MDN1: variants seen among roughly 807,000 people sequenced by gnomAD.
The protein encoded by MDN1 is midasin.
A neutral mutation model predicts 669.2 loss-of-function variants in MDN1; 266 were observed. The ratio of observed to expected loss-of-function variants is 0.40; its 90% CI spans 0.36 to 0.44. MDN1 has a LOEUF of 0.44. Ranked by LOEUF, MDN1 falls within the 20% of genes least tolerant of loss-of-function variation. The pLI, the probability that MDN1 is intolerant of heterozygous loss-of-function variation, is 1.00. For missense variants in MDN1, 5,940 were observed against 6,754.0 expected (o/e 0.88, Z 4.22); for synonymous variants, 2,385 against 2,457.1 (o/e 0.97, Z 0.87).
intron 65 of MDN1, among the ~76,000 whole-genome samples, chr6:89,689,206 C>T (rs1310445671): frequency 2.5e-4 from 38 of 152,138 alleles, no homozygotes; most frequent in Non-Finnish European, 5.9e-5. Flanking sequence ...GCTATTCTCC[C>T]CTAAAGCAAC....
intron 29 of MDN1, among the ~76,000 whole-genome samples, chr6:89,744,817 A>G (rs1816505345): frequency 6.7e-6 from 1 of 150,128 alleles, no homozygotes; most frequent in Admixed American, 6.6e-5. Flanking sequence ...CAGAAAGTCA[A>G]GGCTGCAGTG....
In MDN1 at chr6:89,718,369, C is replaced by T. The variant is rs765610243; in HGVS notation, c.6580G>A (p.Ala2194Thr). The T allele has an allele frequency of 1.9e-6, 3 of 1,613,232 alleles. No individual in the cohort carries two copies. Among genetic ancestry groups the T allele is most frequent in the Admixed American group, 3.3e-5 (2 of 60,020 alleles). ...LNNKINSYCKAEFAKLVEEFR... is the reference protein window; with the variant it reads ...LNNKINSYCKTEFAKLVEEFR... Reference sequence around the variant, plus strand: ...ACAGAGATCCAAATATACATACCTGCCTTGCAGTATGAGTTGATTTTATTG... The same window carrying T: ...ACAGAGATCCAAATATACATACCTGTCTTGCAGTATGAGTTGATTTTATTG... The change falls in exon 43 of 102, where the codon GCA becomes ACA. Residue 2194 changes from alanine (A) to threonine (T), a missense_variant. Transcript: ENST00000369393.
Position 89,756,324 on chromosome 6 carries a change from A to G in MDN1, c.2769T>C (p.Tyr923=), listed in dbSNP as rs746864184. ...KEDLQVLIVD[Y]LKGLSVNKNT... ...TCTTGTTCACACTCAATCCTTTCAGATAATCTACAATAAGAACCTGTAAGT... is the reference window on the plus strand; with the variant it reads ...TCTTGTTCACACTCAATCCTTTCAGGTAATCTACAATAAGAACCTGTAAGT... The change falls in exon 20 of 102, where the codon TAT becomes TAC. Residue 923 remains tyrosine, a synonymous_variant. Coordinates refer to ENST00000369393, the MANE Select transcript of MDN1 (RefSeq NM_014611.3). 5.6e-6 allele frequency: 9 copies of G among 1,603,364 alleles called. No homozygotes were observed. The highest frequency in any genetic ancestry group is 2.6e-6 in the Non-Finnish European group (3 of 1,174,758).
intron 29 of MDN1, among the ~76,000 whole-genome samples, 155 bp downstream of exon 29, chr6:89,745,118 A>C (rs940703819): frequency 2.1e-3 from 168 of 81,746 alleles, no homozygotes; most frequent in Admixed American, 3.9e-3. Flanking sequence ...CCCCCGACCC[A>C]CTCTTAGTCT....
At chr6:89,781,346 G>T in intron 10 of MDN1, 53 bp downstream of exon 10, 1 of 1,557,208 alleles carries the variant, frequency 6.4e-7, no homozygotes, top group South Asian at 1.1e-5. Flanking sequence ...GCAGGAATCT[G>T]TCTCACAAAA....
intron 88 of MDN1, among the ~76,000 whole-genome samples, chr6:89,659,737 T>G (rs1338045903): frequency 6.6e-6 from 1 of 152,226 alleles, no homozygotes; most frequent in Non-Finnish European, 1.5e-5. Context: ...TGTGAATAAC[T>G]GGTGGATGTC....
chr6:89,807,038 TTTC>T (rs1238121296), intron 1 of MDN1, among the ~76,000 whole-genome samples: 1 of 152,204 alleles, frequency 6.6e-6, no homozygotes, highest in African/African-American at 2.4e-5. Context: ...ATTTTGAAGA[TTTC>T]TTAAGACTTT....
At position 89,718,592 on chromosome 6, in the gene MDN1, C is replaced by T; in HGVS notation, c.6357G>A (p.Glu2119=). The change falls in exon 43 of 102, where the codon GAG becomes GAA. Residue 2119 remains glutamate, a synonymous_variant. Transcript: ENST00000369393. Reference sequence around the variant, plus strand: ...GTGCCCTTACAGTTCCCTCCACCTTCTCTAGCAGCCTCCTCCAAGGTCGTA... The same window carrying T: ...GTGCCCTTACAGTTCCCTCCACCTTTTCTAGCAGCCTCCTCCAAGGTCGTA... The part of the protein sequence containing the change: ...DLIRPWRRLL[E]KVEGTVRALL... 6.2e-7 allele frequency: 1 copy of T among 1,614,140 alleles called. No individual in the cohort carries two copies. The highest frequency in any genetic ancestry group is 8.5e-7 in the Non-Finnish European group (1 of 1,179,982).
At chr6:89,667,262 T>C (rs1810325678) in intron 84 of MDN1, among the ~76,000 whole-genome samples, 1 of 151,936 alleles carries the variant, frequency 6.6e-6, no homozygotes, top group Non-Finnish European at 1.5e-5. Context: ...AAAGCAATTA[T>C]CTAAGGACAA....
chr6:89,659,218 A>G (rs1460925597), intron 88 of MDN1, among the ~76,000 whole-genome samples: 1 of 152,186 alleles, frequency 6.6e-6, no homozygotes, highest in Non-Finnish European at 1.5e-5. Flanking sequence ...TACAAAAAAT[A>G]AAAAATTAGC....
intron 13 of MDN1, among the ~76,000 whole-genome samples, chr6:89,773,102 T>A (rs908545656): frequency 2.6e-5 from 4 of 152,228 alleles, no homozygotes; most frequent in Admixed American, 6.5e-5. Flanking sequence ...AACTCATGTC[T>A]ACCCAGATCC....
intron 2 of MDN1, among the ~76,000 whole-genome samples, chr6:89,798,394 C>T (rs192051895): frequency 2.6e-5 from 4 of 151,584 alleles, no homozygotes; most frequent in Non-Finnish European, 4.4e-5. Flanking sequence ...CCTAGCTACT[C>T]GGGAGGCTGA....
chr6:89,675,995 C>T, intron 77 of MDN1, 107 bp downstream of exon 77: 1 of 948,498 alleles, frequency 1.1e-6, no homozygotes, highest in South Asian at 1.5e-5. Context: ...AGCTCAGTTC[C>T]ACTAACAGGC....
At chr6:89,755,043 G>A (rs980829495) in intron 20 of MDN1, among the ~76,000 whole-genome samples, 3 of 151,454 alleles carry the variant, frequency 2.0e-5, no homozygotes, top group African/African-American at 7.3e-5. Context: ...TATTTTATAA[G>A]TGCCTAATTT....
rs142036142 is a variant in MDN1 at position 89,752,536 on chromosome 6, G to C, written c.3076-954C>G. On this transcript the variant is annotated intron_variant, in intron 22 of 101. Transcript: ENST00000369393. ...AAGCCAATTTACATGTTGATTGTGA[G>C]CAAGTTTCTCTCAGCCTCTTTCAGT... Among the ~76,000 whole-genome samples the C allele has an allele frequency of 3.0e-3, 463 of 152,272 alleles. 2 individuals carry two copies. Among genetic ancestry groups the C allele is most frequent in the Middle Eastern group, 6.8e-3 (2 of 292 alleles).
At position 89,740,230 on chromosome 6, in the gene MDN1, T is replaced by G; in HGVS notation, c.4593+4A>C. 1 of 1,611,674 alleles carries G rather than the reference T, an allele frequency of 6.2e-7. No homozygotes were observed. Among genetic ancestry groups the G allele is most frequent in the African/African-American group, 1.3e-5 (1 of 74,870 alleles). On this transcript the variant is annotated splice_donor_region_variant and intron_variant, in intron 32 of 101. Transcript: ENST00000369393. ...AAAGAAAATGTGCATCAGTAAAGTT[T>G]TACCTCCTTTTTTCCAAAGTCACCC...
At chr6:89,769,011 G>A in intron 15 of MDN1, among the ~76,000 whole-genome samples, 1 of 151,724 alleles carries the variant, frequency 6.6e-6, no homozygotes, top group African/African-American at 2.4e-5. Flanking sequence ...TCATGTTTAT[G>A]CCGCTGCACT....
intron 52 of MDN1, among the ~76,000 whole-genome samples, chr6:89,706,673 A>G (rs1232389931): frequency 6.6e-6 from 1 of 151,928 alleles, no homozygotes; most frequent in Non-Finnish European, 1.5e-5. Context: ...GTATTATTAA[A>G]CTCTGCAAAT....
At chr6:89,684,712 G>A (rs1010475001) in intron 71 of MDN1, among the ~76,000 whole-genome samples, 164 bp downstream of exon 71, 5 of 152,178 alleles carry the variant, frequency 3.3e-5, no homozygotes, top group African/African-American at 1.2e-4. Context: ...GACAAAAGAA[G>A]CCAATGCCAC....
Sources: allele counts gnomAD v4.1 joint callset (sites outside exome capture counted in the v4.1 genomes callset), GRCh38; gene constraint gnomAD v4.1.1; transcripts MANE v1.5; gene names NCBI Gene and HGNC (gene_info 2026-07-23, HGNC 2026-07-21).